The following PPM1D variants were observed in gnomAD, a reference collection of about 807,000 sequenced individuals.
PPM1D encodes protein phosphatase, Mg2+/Mn2+ dependent 1D.
PPM1D carries 52 observed loss-of-function variants against 58.3 expected under a neutral mutation model. The ratio of observed to expected loss-of-function variants is 0.89; its 90% CI spans 0.71 to 1.12. PPM1D has a LOEUF of 1.12. Ranked by LOEUF, PPM1D falls within the 50% of genes most tolerant of loss-of-function variation. The pLI, the probability that PPM1D is intolerant of heterozygous loss-of-function variation, is 0.00. For synonymous variants in PPM1D, 278 were observed against 285.1 expected, an observed-to-expected ratio of 0.98 and a Z score of 0.25; for missense variants, 564 against 777.2, an observed-to-expected ratio of 0.73 and a Z score of 3.26.
At chr17:60,601,312 C>T (rs1363635357) in intron 1 of PPM1D, among the ~76,000 whole-genome samples, 1 of 152,144 alleles carries the variant, frequency 6.6e-6, no homozygotes, top group Non-Finnish European at 1.5e-5. Flanking sequence ...AAGTCTTATC[C>T]CTCTCGGTTG....
rs546893636 is a variant in PPM1D, at chr17:60,600,360, C to G, written c.-55C>G. 1.3e-6 allele frequency: 2 copies of G among 1,535,788 alleles called. No homozygotes were observed. The highest frequency in any genetic ancestry group is 1.8e-6 in the Non-Finnish European group (2 of 1,141,732). On this transcript the variant is annotated 5_prime_UTR_variant, in exon 1 of 6. Coordinates refer to ENST00000305921, the MANE Select transcript of PPM1D (RefSeq NM_003620.4). ...GGCCGGCGAGCGCCTAGTGTGTCTC[C>G]CGCCGCCGGATTCGGCGGGCTGCGT... is the stretch of plus-strand genomic sequence containing the variant.
At chr17:60,627,387 T>TGC (rs1367629249) in intron 2 of PPM1D, among the ~76,000 whole-genome samples, 2 of 151,952 alleles carry the variant, frequency 1.3e-5, no homozygotes, top group African/African-American at 4.8e-5. Context: ...GGACTACAGG[T>TGC]GCACGTGTGC....
chr17:60,613,265 C>T (rs2030498187), intron 1 of PPM1D, among the ~76,000 whole-genome samples: 2 of 151,810 alleles, frequency 1.3e-5, no homozygotes, highest in African/African-American at 2.4e-5. Context: ...GAATTATTTG[C>T]TTAAACAATG....
chr17:60,605,343 G>T (rs575102235), intron 1 of PPM1D, among the ~76,000 whole-genome samples: 2 of 152,156 alleles, frequency 1.3e-5, no homozygotes, highest in Non-Finnish European at 2.9e-5. Context: ...TCCCTATAAA[G>T]ATTACACAGA....
At chr17:60,645,456 A>ATATGTGTG (rs1555647633) in intron 3 of PPM1D, among the ~76,000 whole-genome samples, 3 of 123,908 alleles carry the variant, frequency 2.4e-5, no homozygotes, top group African/African-American at 6.3e-5. Flanking sequence ...TAAAATATAT[A>ATATGTGTG]TGTGTGTGTG....
chr17:60,628,617 A>G (rs1598405179), intron 2 of PPM1D, among the ~76,000 whole-genome samples: 1 of 152,266 alleles, frequency 6.6e-6, no homozygotes. Context: ...TGTAGCCCCT[A>G]TGCATGACTT....
At chr17:60,661,904 T>C (rs2031533156) in intron 5 of PPM1D, among the ~76,000 whole-genome samples, 1 of 152,202 alleles carries the variant, frequency 6.6e-6, no homozygotes, top group Non-Finnish European at 1.5e-5. Context: ...AACTACAAAT[T>C]TGTTGCTTAT....
At chr17:60,638,956 G>A (rs2031079290) in intron 3 of PPM1D, among the ~76,000 whole-genome samples, 1 of 152,058 alleles carries the variant, frequency 6.6e-6, no homozygotes, top group African/African-American at 2.4e-5. Flanking sequence ...TGCATTTTGA[G>A]TCTTGCAAAT....
chr17:60,652,129 C>CACCCTTCATCTCTCTCTCCCTACT (rs1482489761), intron 4 of PPM1D, among the ~76,000 whole-genome samples: 3 of 151,472 alleles, frequency 2.0e-5, no homozygotes, highest in Non-Finnish European at 4.4e-5. Context: ...TCTTTTTTTC[C>CACCCTTCATCTCTCTCTCCCTACT]ACCCTTCATC....
At position 60,640,489 on chromosome 17, in the gene PPM1D, A is replaced by G. The variant is rs191570834; in HGVS notation, c.826+6512A>G. Among the ~76,000 whole-genome samples, 710 of 152,296 alleles carry G rather than the reference A, an allele frequency of 4.7e-3. 1 individual carries two copies. The highest frequency in any genetic ancestry group is 7.9e-3 in the Non-Finnish European group (537 of 68,028). On this transcript the variant is annotated intron_variant, in intron 3 of 5. Coordinates refer to ENST00000305921, the MANE Select transcript of PPM1D (RefSeq NM_003620.4). Reference sequence around the variant, plus strand: ...TTACGTACGGTTACACTGTTTTGCAACTGTCATCCACCATTCATCCTAGAT... The same window carrying G: ...TTACGTACGGTTACACTGTTTTGCAGCTGTCATCCACCATTCATCCTAGAT...
At chr17:60,628,521 C>T (rs902247747) in intron 2 of PPM1D, among the ~76,000 whole-genome samples, 2 of 152,180 alleles carry the variant, frequency 1.3e-5, no homozygotes, top group African/African-American at 4.8e-5. Flanking sequence ...ATCCCTCCCC[C>T]ACTTACTCCT....
chr17:60,630,402 GCAGATACT>G (rs1423625863), intron 2 of PPM1D, among the ~76,000 whole-genome samples: 5 of 152,042 alleles, frequency 3.3e-5, no homozygotes, highest in Non-Finnish European at 5.9e-5. Flanking sequence ...GGACAGTTGG[GCAGATACT>G]CCGCTATTTT....
chr17:60,644,447 C>T (rs2031197646), intron 3 of PPM1D, among the ~76,000 whole-genome samples: 1 of 152,124 alleles, frequency 6.6e-6, no homozygotes, highest in Admixed American at 6.6e-5. Flanking sequence ...AAGAATGATC[C>T]TTGAATGGAT....
At chr17:60,609,586 G>A (rs113651606) in intron 1 of PPM1D, among the ~76,000 whole-genome samples, 3 of 151,972 alleles carry the variant, frequency 2.0e-5, no homozygotes, top group Non-Finnish European at 4.4e-5. Context: ...ATCTTGTCTC[G>A]TCCCACTGTG....
Position 60,650,682 on chromosome 17 carries a change from T to C in PPM1D, c.1017+2600T>C, listed in dbSNP as rs115208787. Among the ~76,000 whole-genome samples the C allele has an allele frequency of 2.1e-3, 313 of 152,340 alleles. 2 individuals carry two copies. Among genetic ancestry groups the C allele is most frequent in the Middle Eastern group, 6.8e-3 (2 of 294 alleles). ...AACTCTGGTGACTAGTAAGCTGTTA[T>C]AAAGAAGAGACATTATTTAGGGAGA... On this transcript the variant is annotated intron_variant, in intron 4 of 5. Transcript: ENST00000305921.
intron 1 of PPM1D, among the ~76,000 whole-genome samples, chr17:60,606,913 C>T (rs926979768): frequency 1.3e-5 from 2 of 152,088 alleles, no homozygotes; most frequent in Non-Finnish European, 2.9e-5. Context: ...CCTCCTGCCT[C>T]AGCCTCTGAA....
chr17:60,605,395 C>T (rs2030309178), intron 1 of PPM1D, among the ~76,000 whole-genome samples: 1 of 152,198 alleles, frequency 6.6e-6, no homozygotes, highest in African/African-American at 2.4e-5. Context: ...TGCCTGTCAG[C>T]TAAATCTTGA....
intron 3 of PPM1D, among the ~76,000 whole-genome samples, chr17:60,637,499 G>A (rs1430674358): frequency 1.3e-5 from 2 of 152,214 alleles, no homozygotes; most frequent in Non-Finnish European, 2.9e-5. Flanking sequence ...GGAGAGGTCG[G>A]AAGTTCAGTT....
chr17:60,642,186 A>G (rs770020116), intron 3 of PPM1D, among the ~76,000 whole-genome samples: 12 of 152,338 alleles, frequency 7.9e-5, no homozygotes, highest in Admixed American at 1.3e-4. Context: ...AGTATGAATC[A>G]TCTGGTGAGT....
Sources: allele counts gnomAD v4.1 joint callset (sites outside exome capture counted in the v4.1 genomes callset), GRCh38; gene constraint gnomAD v4.1.1; transcripts MANE v1.5; gene names NCBI Gene and HGNC (gene_info 2026-07-23, HGNC 2026-07-21).